Variants in OSBPL3 observed in about 807,000 individuals in gnomAD.
OSBPL3 encodes the protein oxysterol binding protein like 3, also known as oxysterol-binding protein-related protein 3.
OSBPL3 carries 65 observed loss-of-function variants against 120.1 expected under a neutral mutation model. The observed-to-expected ratio is 0.54, with a 90% CI of 0.44 to 0.67. The LOEUF (loss-of-function observed/expected upper bound fraction) is 0.67, where lower values mean the gene tolerates loss of function less well. Among genes scored for constraint, OSBPL3 ranks in the 30% least tolerant of loss-of-function variants. The pLI, the probability that OSBPL3 is intolerant of heterozygous loss-of-function variation, is 0.00. For missense variants in OSBPL3, 1,004 were observed against 1,082.1 expected, an observed-to-expected ratio of 0.93 and a Z score of 1.01; for synonymous variants, 416 against 402.6, an observed-to-expected ratio of 1.03 and a Z score of -0.40.
chr7:24,917,411 T>TATATATATATTTGTAAC (rs1554404919), intron 1 of OSBPL3, among the ~76,000 whole-genome samples: 20 of 137,576 alleles, frequency 1.5e-4, no homozygotes, highest in African/African-American at 5.5e-4. Context: ...CATATATATA[T>TATATATATATTTGTAAC]ATATATATAT....
rs6968973 is a variant in OSBPL3 at position 24,867,600 on chromosome 7, T to A, written c.382-1363A>T. ...CTCTTTGCCTGCCACCATCCACAGA[T>A]GATGTCACTTGCTCCTATTTGCCTT... On this transcript the variant is annotated intron_variant, in intron 5 of 22. Coordinates refer to ENST00000313367, the MANE Select transcript of OSBPL3 (RefSeq NM_015550.4). This position sits in a 1 kb window ranked among gnomAD's most constrained non-coding sequence, Gnocchi z 4.5. Among the ~76,000 whole-genome samples the A allele has an allele frequency of 0.45, 68,471 of 152,014 alleles. 17,407 individuals carry two copies. The highest frequency in any genetic ancestry group is 0.88 in the East Asian group (4,551 of 5,176).
chr7:24,806,905 A>G lies in OSBPL3; in HGVS notation c.2318-3T>C. The G allele has an allele frequency of 6.2e-7, 1 of 1,603,448 alleles. No homozygotes were observed. Among genetic ancestry groups the G allele is most frequent in the South Asian group, 1.1e-5 (1 of 89,040 alleles). ...CTCGTAGCCTTTCGGCATAGGATCT[A>G]AGAAGAAAATAAATCATTCACCCCT... On this transcript the variant is annotated splice_region_variant and splice_polypyrimidine_tract_variant and intron_variant, in intron 20 of 22. Coordinates refer to ENST00000313367, the MANE Select transcript of OSBPL3 (RefSeq NM_015550.4). The surrounding 1 kb of genome is among the most constrained non-coding windows in gnomAD (Gnocchi z 5.2).
Position 24,916,921 on chromosome 7 carries a change from C to CA in OSBPL3, c.-149-24301_-149-24300insT, listed in dbSNP as rs1554404723. 2.0e-5 allele frequency among the ~76,000 whole-genome samples: 3 copies of CA among 149,586 alleles called. No homozygotes were observed. Among genetic ancestry groups the CA allele is most frequent in the African/African-American group, 7.6e-5 (3 of 39,612 alleles). On this transcript the variant is annotated intron_variant, in intron 1 of 22. Coordinates refer to ENST00000313367, the MANE Select transcript of OSBPL3 (RefSeq NM_015550.4). The surrounding 1 kb of genome is among the most constrained non-coding windows in gnomAD (Gnocchi z 4.9). Reference sequence around the variant, plus strand: ...CACTAAGACGTCTTCCATTTCCACCCCCCCCAACCTTTTTAGAAAATTAAA... The same window carrying CA: ...CACTAAGACGTCTTCCATTTCCACCCACCCCCAACCTTTTTAGAAAATTAAA...
At chr7:24,978,727 T>C (rs1436965104) in intron 1 of OSBPL3, among the ~76,000 whole-genome samples, 3 of 152,220 alleles carry the variant, frequency 2.0e-5, no homozygotes, top group African/African-American at 7.2e-5. Flanking sequence ...AAAATATTTC[T>C]AAATGCCCTC....
chr7:24,930,402 A>G lies in OSBPL3; in HGVS notation c.-149-37781T>C, dbSNP rs1811643269. Among the ~76,000 whole-genome samples, 1 of 152,226 alleles carries G rather than the reference A, an allele frequency of 6.6e-6. No individual in the cohort carries two copies. On this transcript the variant is annotated intron_variant, in intron 1 of 22. Coordinates refer to ENST00000313367, the MANE Select transcript of OSBPL3 (RefSeq NM_015550.4). This position sits in a 1 kb window ranked among gnomAD's most constrained non-coding sequence, Gnocchi z 4.4. ...TCCAAGATTAAGATTACACTTAACA[A>G]AGGTTTCCCATCTCTTGTTCTAAAG...
At position 24,916,614 on chromosome 7, in the gene OSBPL3, T is replaced by C. The variant is rs1809576559; in HGVS notation, c.-149-23993A>G. Among the ~76,000 whole-genome samples, 1 of 152,130 alleles carries C rather than the reference T, an allele frequency of 6.6e-6. No homozygotes were observed. The highest frequency in any genetic ancestry group is 6.6e-5 in the Admixed American group (1 of 15,266). On this transcript the variant is annotated intron_variant, in intron 1 of 22. Transcript: ENST00000313367. The surrounding 1 kb of genome is among the most constrained non-coding windows in gnomAD (Gnocchi z 4.9). ...CATATACCTCCATCAGTCTTCTTCATTCCCTGACCCTCTTCTCTGGCTGTG... is the reference window on the plus strand; with the variant it reads ...CATATACCTCCATCAGTCTTCTTCACTCCCTGACCCTCTTCTCTGGCTGTG...
At chr7:24,901,614 G>C (rs1807050693) in intron 1 of OSBPL3, among the ~76,000 whole-genome samples, 1 of 152,126 alleles carries the variant, frequency 6.6e-6, no homozygotes, top group Non-Finnish European at 1.5e-5. Context: ...GAAACTACGT[G>C]ACACACTTTC....
chr7:24,843,244 T>C (rs565108950), intron 12 of OSBPL3, among the ~76,000 whole-genome samples: 125 of 152,146 alleles, frequency 8.2e-4, no homozygotes, highest in Non-Finnish European at 1.6e-3. Flanking sequence ...GCCTGTGGAA[T>C]AGACAAAGTG....
Position 24,980,067 on chromosome 7 carries a change from G to C in OSBPL3, c.-331C>G. ...TGGCCACTTGCAGACAGACTGCGGG[G>C]CCGGAGCCGCGCTGCGCACCGGCCG... On this transcript the variant is annotated 5_prime_UTR_variant, in exon 1 of 23. Transcript: ENST00000313367. 3.0e-6 allele frequency: 3 copies of C among 985,082 alleles called. No homozygotes were observed. Among genetic ancestry groups the C allele is most frequent in the Non-Finnish European group, 3.6e-6 (3 of 829,708 alleles). The allele number at this position is 985,082 out of a possible 1,614,324, so 61.0% of individuals were successfully genotyped here. A position where few individuals can be genotyped will look rare whatever the true frequency, so the allele number is the denominator to read the frequency against.
In OSBPL3 at chr7:24,892,524, G is replaced by C; in HGVS notation, c.-52C>G. ...CAATCAAAATGCCATCAGATGACAA[G>C]GGAGCCGAGAGTATGGAAGTCCCCA... is the stretch of plus-strand genomic sequence containing the variant. On this transcript the variant is annotated 5_prime_UTR_variant, in exon 2 of 23. Transcript: ENST00000313367. 1 of 1,591,774 alleles carries C rather than the reference G, an allele frequency of 6.3e-7. No homozygotes were observed. Among genetic ancestry groups the C allele is most frequent in the South Asian group, 1.1e-5 (1 of 89,150 alleles).
In OSBPL3 at chr7:24,899,864, T is replaced by A. The variant is rs1279185702; in HGVS notation, c.-149-7243A>T. ...CACTTTAGATGAGTTGAATCAGAATTTCTATCTAGAGACGGGCCTGATAAT... is the reference window on the plus strand; with the variant it reads ...CACTTTAGATGAGTTGAATCAGAATATCTATCTAGAGACGGGCCTGATAAT... On this transcript the variant is annotated intron_variant, in intron 1 of 22. Coordinates refer to ENST00000313367, the MANE Select transcript of OSBPL3 (RefSeq NM_015550.4). This position sits in a 1 kb window ranked among gnomAD's most constrained non-coding sequence, Gnocchi z 4.0. Among the ~76,000 whole-genome samples the A allele has an allele frequency of 6.6e-6, 1 of 152,236 alleles. No homozygotes were observed. The highest frequency in any genetic ancestry group is 2.4e-5 in the African/African-American group (1 of 41,458).
At position 24,892,524 on chromosome 7, in the gene OSBPL3, G is replaced by T. The variant is rs777383708; in HGVS notation, c.-52C>A. ...CAATCAAAATGCCATCAGATGACAA[G>T]GGAGCCGAGAGTATGGAAGTCCCCA... On this transcript the variant is annotated 5_prime_UTR_variant, in exon 2 of 23. Coordinates refer to ENST00000313367, the MANE Select transcript of OSBPL3 (RefSeq NM_015550.4). 1.3e-6 allele frequency: 2 copies of T among 1,591,770 alleles called. No homozygotes were observed. The highest frequency in any genetic ancestry group is 4.5e-5 in the East Asian group (2 of 44,424).
In OSBPL3 at chr7:24,909,343, G is replaced by A. The variant is rs533464133; in HGVS notation, c.-149-16722C>T. Among the ~76,000 whole-genome samples the A allele has an allele frequency of 3.0e-4, 46 of 152,284 alleles. 1 individual carries two copies. In the South Asian group the frequency reaches 8.9e-3, roughly 30 times the overall value. On this transcript the variant is annotated intron_variant, in intron 1 of 22. Coordinates refer to ENST00000313367, the MANE Select transcript of OSBPL3 (RefSeq NM_015550.4). Reference sequence around the variant, plus strand: ...GGGCTGCCAATGAGATGTGAGCAGAGTTGTTTGTCTTCCAGGTCATGGTCC... The same window carrying A: ...GGGCTGCCAATGAGATGTGAGCAGAATTGTTTGTCTTCCAGGTCATGGTCC...
intron 1 of OSBPL3, among the ~76,000 whole-genome samples, chr7:24,902,697 AAATAAAT>A (rs906574296): frequency 3.0e-5 from 4 of 131,318 alleles, no homozygotes; most frequent in East Asian, 2.1e-4. Flanking sequence ...TTACAAGAGA[AAATAAAT>A]AATAATAATA....
chr7:24,854,315 G>A lies in OSBPL3; in HGVS notation c.1028-1681C>T, dbSNP rs998192412. Reference sequence around the variant, plus strand: ...ACAGGGCTGCATTTTTAGAGGTATTGTTATTCAAGAGTGGGCTATTTAGTA... The same window carrying A: ...ACAGGGCTGCATTTTTAGAGGTATTATTATTCAAGAGTGGGCTATTTAGTA... On this transcript the variant is annotated intron_variant, in intron 10 of 22. Transcript: ENST00000313367. This position sits in a 1 kb window ranked among gnomAD's most constrained non-coding sequence, Gnocchi z 4.1. Among the ~76,000 whole-genome samples the A allele has an allele frequency of 9.2e-5, 14 of 152,146 alleles. No homozygotes were observed. Among genetic ancestry groups the A allele is most frequent in the African/African-American group, 3.1e-4 (13 of 41,424 alleles).
At chr7:24,908,841 CA>C (rs556891120) in intron 1 of OSBPL3, among the ~76,000 whole-genome samples, 100 of 152,304 alleles carry the variant, frequency 6.6e-4, no homozygotes, top group Non-Finnish European at 1.3e-3. Context: ...TCCTTCCCAT[CA>C]AATTTCAGTT....
rs974233814 is a variant in OSBPL3, at chr7:24,916,924, C to CCG, written c.-149-24304_-149-24303insCG. Among the ~76,000 whole-genome samples, 2 of 151,612 alleles carry CCG rather than the reference C, an allele frequency of 1.3e-5. No homozygotes were observed. Among genetic ancestry groups the CCG allele is most frequent in the African/African-American group, 4.9e-5 (2 of 41,178 alleles). On this transcript the variant is annotated intron_variant, in intron 1 of 22. Transcript: ENST00000313367. This position sits in a 1 kb window ranked among gnomAD's most constrained non-coding sequence, Gnocchi z 4.9. ...TAAGACGTCTTCCATTTCCACCCCCCCCAACCTTTTTAGAAAATTAAATAA... is the reference window on the plus strand; with the variant it reads ...TAAGACGTCTTCCATTTCCACCCCCCCGCCAACCTTTTTAGAAAATTAAATAA...
At chr7:24,920,385 T>C (rs1453528247) in intron 1 of OSBPL3, among the ~76,000 whole-genome samples, 2 of 152,208 alleles carry the variant, frequency 1.3e-5, no homozygotes, top group Non-Finnish European at 2.9e-5. Flanking sequence ...GGACAGATTT[T>C]TTAAAGGCCA....
chr7:24,834,719 C>G lies in OSBPL3; in HGVS notation c.1513G>C (p.Gly505Arg). Residue 505 changes from glycine to arginine, a missense_variant, in exon 15 of 23, where the codon GGT becomes CGT. Gly to Arg is a moderately radical substitution (Grantham distance 125). Transcript: ENST00000313367. The surrounding 1 kb of genome is among the most constrained non-coding windows in gnomAD (Gnocchi z 5.2). ...RQTLGPVLDS[G>R]REAKSRRRTC... is the part of the protein sequence containing the mutation. The stretch of plus-strand genomic sequence containing the variant: ...CTTCTCCGGGACTTCGCTTCCCGAC[C>G]ACTATCAAGGACAGGCCCTGAAAGG... 3.1e-6 allele frequency: 5 copies of G among 1,611,506 alleles called. No individual in the cohort carries two copies. Among genetic ancestry groups the G allele is most frequent in the Non-Finnish European group, 4.2e-6 (5 of 1,178,914 alleles).
Sources: allele counts gnomAD v4.1 joint callset (sites outside exome capture counted in the v4.1 genomes callset), GRCh38; gene constraint gnomAD v4.1.1; non-coding constraint Gnocchi (gnomAD v3.1); transcripts MANE v1.5; gene names NCBI Gene and HGNC (gene_info 2026-07-23, HGNC 2026-07-21).